The following MOCS1 variants were observed in gnomAD, a reference collection of about 807,000 sequenced individuals.
MOCS1 encodes molybdenum cofactor biosynthesis protein 1.
MOCS1 carries 39 observed loss-of-function variants against 57.6 expected under a neutral mutation model. The observed-to-expected ratio is 0.68, with a 90% CI of 0.52 to 0.88. The LOEUF (loss-of-function observed/expected upper bound fraction) is 0.88, where lower values mean the gene tolerates loss of function less well. Among genes scored for constraint, MOCS1 ranks in the 40% least tolerant of loss-of-function variants. The pLI is 0.00. For missense variants in MOCS1, 795 were observed against 831.1 expected (o/e 0.96, Z 0.53); for synonymous variants, 334 against 335.7 (o/e 1.00, Z 0.05).
At position 39,906,464 on chromosome 6, in the gene MOCS1, G is replaced by A. The variant is rs1423664897; in HGVS notation, c.1804C>T (p.Leu602Phe). Residue 602 changes from leucine (L) to phenylalanine (F), a missense_variant, in exon 11 of 11, where the codon CTC becomes TTC. Physicochemically the swap from Leu to Phe is conservative, Grantham distance 22 (BLOSUM62 0). This residue lies in a region of MOCS1 where 374 missense variants were observed against 422.6 expected (regional missense o/e 0.89). Coordinates refer to ENST00000340692, the MANE Select transcript of MOCS1 (RefSeq NM_001358530.2). The stretch of plus-strand genomic sequence containing the variant: ...GCCTTGCACATGTCATACAGGGTGA[G>A]GGCGGCCACTGCAGCAGAGGTCAGG... ...EALTSAAVAA[L>F]TLYDMCKAVS... 1 of 1,613,840 alleles carries A rather than the reference G, an allele frequency of 6.2e-7. No individual in the cohort carries two copies. The highest frequency in any genetic ancestry group is 8.5e-7 in the Non-Finnish European group (1 of 1,179,776).
At chr6:39,915,956 T>C in intron 4 of MOCS1, 112 bp downstream of exon 4, 2 of 1,223,858 alleles carry the variant, frequency 1.6e-6, no homozygotes, top group Admixed American at 2.0e-5. Context: ...GACTTACTGA[T>C]AGCCCAGACA....
At chr6:39,928,308 G>A (rs1768453874) in intron 1 of MOCS1, among the ~76,000 whole-genome samples, 1 of 151,746 alleles carries the variant, frequency 6.6e-6, no homozygotes, top group Non-Finnish European at 1.5e-5. Context: ...GGGACTACAG[G>A]CACCCGCCAC....
Position 39,906,084 on chromosome 6 carries a change from G to A in MOCS1, c.*273C>T, listed in dbSNP as rs753750355. The A allele has an allele frequency of 1.5e-6, 1 of 656,496 alleles. No homozygotes were observed. Among genetic ancestry groups the A allele is most frequent in the Non-Finnish European group, 2.8e-6 (1 of 357,538 alleles). The allele number at this position is 656,496 out of a possible 1,614,324, so 40.7% of individuals were successfully genotyped here. ...AAGAACATGATTTCTCAGTTATCTG[G>A]CATTGCTTGTTGCAGTCCCGCTCCC... On this transcript the variant is annotated 3_prime_UTR_variant, in exon 11 of 11. Transcript: ENST00000340692.
intron 5 of MOCS1, 29 bp from the exon 6 acceptor site, chr6:39,913,457 G>T: frequency 6.3e-7 from 1 of 1,589,946 alleles, no homozygotes; most frequent in Non-Finnish European, 8.6e-7. Flanking sequence ...GACCATGAGG[G>T]CTGTGCCCCC....
Position 39,933,829 on chromosome 6 carries a change from C to T in MOCS1, c.123+466G>A, listed in dbSNP as rs538177788. ...GATGGGTTACAGAGCCCTGGGACTA[C>T]AGTAACAACTCATCGTTGGTGACAC... is the stretch of plus-strand genomic sequence containing the variant. On this transcript the variant is annotated intron_variant, in intron 1 of 10. Transcript: ENST00000340692. Among the ~76,000 whole-genome samples the T allele has an allele frequency of 1.3e-4, 20 of 152,256 alleles. No individual in the cohort carries two copies. In the East Asian group the frequency reaches 3.5e-3, roughly 26 times the overall value.
chr6:39,911,387 C>T (rs895336533), intron 8 of MOCS1, among the ~76,000 whole-genome samples: 1 of 152,174 alleles, frequency 6.6e-6, no homozygotes, highest in African/African-American at 2.4e-5. Flanking sequence ...CTTCCGCGAA[C>T]ATTACCAAGC....
chr6:39,911,509 T>C (rs554562161), intron 8 of MOCS1, among the ~76,000 whole-genome samples: 100 of 152,296 alleles, frequency 6.6e-4, no homozygotes, highest in Non-Finnish European at 9.4e-4. Context: ...TTATAAAACA[T>C]ACATGGGGGA....
In MOCS1 at chr6:39,905,309, G is replaced by A; in HGVS notation, c.*1048C>T. The A allele has an allele frequency of 4.4e-6, 2 of 455,764 alleles. No individual in the cohort carries two copies. The highest frequency in any genetic ancestry group is 2.0e-5 in the African/African-American group (1 of 50,042). The allele number at this position is 455,764 out of a possible 1,614,324, so 28.2% of individuals were successfully genotyped here. ...ACCACCTGACAAAAGATTTCCCTTA[G>A]ATGGTGCATTTCTATGCCCCCTACT... On this transcript the variant is annotated 3_prime_UTR_variant, in exon 11 of 11. Transcript: ENST00000340692.
At position 39,905,721 on chromosome 6, in the gene MOCS1, G is replaced by C; in HGVS notation, c.*636C>G. On this transcript the variant is annotated 3_prime_UTR_variant, in exon 11 of 11. Transcript: ENST00000340692. The stretch of plus-strand genomic sequence containing the variant: ...TGTGCACATCCTGTTTCAGAAGAGG[G>C]GGGCCAGAGGAAAAGGGGCCAGCAG... 1 of 471,156 alleles carries C rather than the reference G, an allele frequency of 2.1e-6. No homozygotes were observed. The allele number at this position is 471,156 out of a possible 1,614,324, so 29.2% of individuals were successfully genotyped here. A position where few individuals can be genotyped will look rare whatever the true frequency, so the allele number is the denominator to read the frequency against.
chr6:39,925,599 C>T, intron 3 of MOCS1, 79 bp downstream of exon 3: 1 of 1,531,670 alleles, frequency 6.5e-7, no homozygotes, highest in South Asian at 1.1e-5. Flanking sequence ...ATGTCAGCTG[C>T]CACTGTTAAC....
At chr6:39,921,307 G>A (rs923194970) in intron 3 of MOCS1, among the ~76,000 whole-genome samples, 1 of 152,030 alleles carries the variant, frequency 6.6e-6, no homozygotes, top group Non-Finnish European at 1.5e-5. Flanking sequence ...GCTGAGGTGG[G>A]AGAATGGCGT....
At position 39,913,707 on chromosome 6, in the gene MOCS1, G is replaced by T. The variant is rs371614556; in HGVS notation, c.645+67C>A. ...TGAGGGCTCTCAAGTGGGCCAAGGG[G>T]CGGTGAGGGGAAGGCCAGGGCAGTG... On this transcript the variant is annotated intron_variant, in intron 5 of 10. Coordinates refer to ENST00000340692, the MANE Select transcript of MOCS1 (RefSeq NM_001358530.2). 3.3e-4 allele frequency: 507 copies of T among 1,547,118 alleles called. 3 individuals are homozygous for T. The South Asian group carries it at 4.2e-3, about 13-fold the overall frequency.
chr6:39,925,477 C>G (rs983733476), intron 3 of MOCS1, among the ~76,000 whole-genome samples: 1 of 152,170 alleles, frequency 6.6e-6, no homozygotes, highest in African/African-American at 2.4e-5. Flanking sequence ...AGCTTCCTGA[C>G]CTTGGGCAAG....
intron 1 of MOCS1, among the ~76,000 whole-genome samples, chr6:39,929,616 T>C (rs951943862): frequency 1.3e-5 from 2 of 151,608 alleles, no homozygotes; most frequent in Non-Finnish European, 2.9e-5. Context: ...AGCAGAAACC[T>C]GAGAGCAAGC....
Position 39,904,751 on chromosome 6 carries a change from G to A in MOCS1, c.*1606C>T, listed in dbSNP as rs900602076. The A allele has an allele frequency of 2.2e-6, 1 of 454,118 alleles. No individual in the cohort carries two copies. Among genetic ancestry groups the A allele is most frequent in the Non-Finnish European group, 4.4e-6 (1 of 226,800 alleles). The allele number at this position is 454,118 out of a possible 1,614,324, so 28.1% of individuals were successfully genotyped here. A position where few individuals can be genotyped will look rare whatever the true frequency, so the allele number is the denominator to read the frequency against. ...CACGCCAAGGCTGTTCTCACCAGCTGCCTCAGATGACAAATGAGGCTAATG... is the reference window on the plus strand; with the variant it reads ...CACGCCAAGGCTGTTCTCACCAGCTACCTCAGATGACAAATGAGGCTAATG... On this transcript the variant is annotated 3_prime_UTR_variant, in exon 11 of 11. Transcript: ENST00000340692.
chr6:39,934,334 G>T lies in MOCS1; in HGVS notation c.84C>A (p.Thr28=). 6.4e-7 allele frequency: 1 copy of T among 1,551,608 alleles called. No individual in the cohort carries two copies. The change falls in exon 1 of 11, where the codon ACC becomes ACA. Residue 28 remains threonine, a synonymous_variant. Coordinates refer to ENST00000340692, the MANE Select transcript of MOCS1 (RefSeq NM_001358530.2). ...ARSCSSGAPV[T]QPCPGESARA... The stretch of plus-strand genomic sequence containing the variant: ...GCGCGGACTCCCCGGGGCAGGGCTG[G>T]GTCACCGGAGCCCCTGAGCTGCAGC...
In MOCS1 at chr6:39,906,892, G is replaced by A. The variant is rs377598081; in HGVS notation, c.1376C>T (p.Ser459Leu). The change falls in exon 11 of 11, where the codon TCA (serine) becomes TTA (leucine). Residue 459 changes from serine (S) to leucine (L), a missense_variant. By Grantham distance (145) the Ser-to-Leu change is moderately radical. Around this residue, in one of 3 missense-constraint regions of MOCS1, gnomAD observed 374 missense variants for 422.6 expected, o/e 0.89. Coordinates refer to ENST00000340692, the MANE Select transcript of MOCS1 (RefSeq NM_001358530.2). ...YTSRADSDANSKCLSPGSWAS... is the reference protein window; with the variant it reads ...YTSRADSDANLKCLSPGSWAS... ...CCAGGAACCTGGGCTAAGGCACTTT[G>A]AGTTGGCATCTGAGTCTGCACGGGA... The A allele has an allele frequency of 3.8e-5, 61 of 1,614,102 alleles. No homozygotes were observed. Among genetic ancestry groups the A allele is most frequent in the African/African-American group, 5.3e-5 (4 of 74,944 alleles).
At chr6:39,927,624 T>C in intron 1 of MOCS1, 169 bp from the exon 2 acceptor site, 1 of 1,597,434 alleles carries the variant, frequency 6.3e-7, no homozygotes, top group East Asian at 2.2e-5. Flanking sequence ...TCCCTCTCGT[T>C]GAGAAATCAG....
rs1215856050 is a variant in MOCS1, at chr6:39,912,352, T to A, written c.893A>T (p.Gln298Leu). The stretch of plus-strand genomic sequence containing the variant: ...GGATGTGATGAAGCTGATCTGGCCT[T>A]GGAAGCCAGGGATTTTAAAGGCCTG... ...TAKAFKIPGF[Q>L]GQISFITSMS... The change falls in exon 8 of 11, where the codon CAA becomes CTA. Residue 298 changes from glutamine (Q) to leucine (L), a missense_variant. By Grantham distance (113) the Gln-to-Leu change is moderately radical (BLOSUM62 -2). Coordinates refer to ENST00000340692, the MANE Select transcript of MOCS1 (RefSeq NM_001358530.2). The A allele has an allele frequency of 1.9e-6, 3 of 1,614,098 alleles. No individual in the cohort carries two copies.
Sources: allele counts gnomAD v4.1 joint callset (sites outside exome capture counted in the v4.1 genomes callset), GRCh38; gene constraint gnomAD v4.1.1; regional missense constraint gnomAD v4.1.1; transcripts MANE v1.5; gene names NCBI Gene and HGNC (gene_info 2026-07-23, HGNC 2026-07-21).